The following NPR3 variants were observed in gnomAD, a reference collection of about 807,000 sequenced individuals.
NPR3 encodes the protein natriuretic peptide receptor 3.
Under a neutral mutation model 54.5 loss-of-function variants are expected in NPR3, and 34 were observed. The observed-to-expected ratio is 0.62, with a 90% CI of 0.47 to 0.83. The LOEUF (loss-of-function observed/expected upper bound fraction) is 0.83. Ranked by LOEUF, NPR3 falls within the 40% of genes least tolerant of loss-of-function variation. The probability of loss-of-function intolerance (pLI) is 0.00; values close to 1 mark genes in which losing one functional copy is unlikely to be tolerated. For missense variants in NPR3, 674 were observed against 720.8 expected, an observed-to-expected ratio of 0.94 and a Z score of 0.74; for synonymous variants, 289 against 297.1, an observed-to-expected ratio of 0.97 and a Z score of 0.28.
intron 1 of NPR3, among the ~76,000 whole-genome samples, chr5:32,700,591 C>G (rs1740642958): frequency 6.6e-6 from 1 of 151,926 alleles, no homozygotes; most frequent in Admixed American, 6.6e-5. Context: ...GTTCCTCGCC[C>G]TGTGTCCATG....
At chr5:32,694,794 A>G (rs986997685) in intron 1 of NPR3, among the ~76,000 whole-genome samples, 2 of 152,088 alleles carry the variant, frequency 1.3e-5, no homozygotes, top group African/African-American at 4.8e-5. Context: ...ACTAGATCTT[A>G]TTCATTTTAT....
At chr5:32,750,067 T>A (rs968492490) in intron 3 of NPR3, among the ~76,000 whole-genome samples, 1 of 152,214 alleles carries the variant, frequency 6.6e-6, no homozygotes, top group Admixed American at 6.5e-5. Flanking sequence ...TGGAGTTCCC[T>A]GCCACCCTTC....
At chr5:32,723,951 A>T (rs113288145) in intron 1 of NPR3, among the ~76,000 whole-genome samples, 6 of 152,034 alleles carry the variant, frequency 3.9e-5, no homozygotes, top group African/African-American at 1.4e-4. Flanking sequence ...CAATCAATCA[A>T]TATATGTGTA....
chr5:32,747,780 G>A (rs1740379571), intron 3 of NPR3, among the ~76,000 whole-genome samples: 1 of 149,374 alleles, frequency 6.7e-6, no homozygotes. Flanking sequence ...TTTTGAGATG[G>A]GGTCTCACTC....
At chr5:32,724,986 A>G (rs1739063100) in intron 2 of NPR3, among the ~76,000 whole-genome samples, 166 bp downstream of exon 2, 1 of 152,226 alleles carries the variant, frequency 6.6e-6, no homozygotes, top group Admixed American at 6.5e-5. Context: ...ACATTAATGG[A>G]GCTGGAGGCC....
chr5:32,699,975 T>C (rs1181377016), intron 1 of NPR3, among the ~76,000 whole-genome samples: 1 of 152,240 alleles, frequency 6.6e-6, no homozygotes, highest in Non-Finnish European at 1.5e-5. Context: ...TATACTATTC[T>C]AGTTTAAAAG....
At chr5:32,726,341 A>G (rs925245050) in intron 2 of NPR3, among the ~76,000 whole-genome samples, 7 of 152,348 alleles carry the variant, frequency 4.6e-5, no homozygotes, top group Middle Eastern at 3.4e-3. Context: ...AAACAAAAGT[A>G]GCCACTGCTT....
upstream of NPR3, among the ~76,000 whole-genome samples, chr5:32,706,366 A>T (rs569557586): frequency 6.6e-6 from 1 of 152,310 alleles, no homozygotes; most frequent in East Asian, 1.9e-4. Flanking sequence ...GGCCTAATAC[A>T]CAGGGGGATG....
upstream of NPR3, chr5:32,710,918 ATGTG>A: frequency 2.6e-6 from 1 of 379,214 alleles, no homozygotes; most frequent in Non-Finnish European, 3.8e-6. Context: ...GTGTGTGTGT[ATGTG>A]TGCGTGCGCG....
intron 3 of NPR3, among the ~76,000 whole-genome samples, chr5:32,764,084 C>G (rs953108613): frequency 7.2e-5 from 11 of 152,184 alleles, no homozygotes; most frequent in Middle Eastern, 3.2e-3. Context: ...ACTCCAAACT[C>G]TCTTCCGCAC....
At chr5:32,736,314 G>A (rs138012213) in intron 2 of NPR3, among the ~76,000 whole-genome samples, 1 of 150,928 alleles carries the variant, frequency 6.6e-6, no homozygotes, top group Non-Finnish European at 1.5e-5. Flanking sequence ...CAGATTTATT[G>A]TATTGGATTT....
At chr5:32,703,373 A>AGAC (rs927304144) in intron 1 of NPR3, among the ~76,000 whole-genome samples, 1 of 151,844 alleles carries the variant, frequency 6.6e-6, no homozygotes, top group Admixed American at 6.6e-5. Context: ...TTAAGCTTTG[A>AGAC]GACAAAGCCC....
In NPR3 at chr5:32,755,558, A is replaced by G. The variant is rs148815924; in HGVS notation, c.1059+16528A>G. On this transcript the variant is annotated intron_variant, in intron 3 of 7. Coordinates refer to ENST00000265074, the MANE Select transcript of NPR3 (RefSeq NM_001204375.2). ...TGTTGGGGTTCCCTGGTGGGTCAAAATAGATGAGTAGATATGAGCCTCTTA... is the reference window on the plus strand; with the variant it reads ...TGTTGGGGTTCCCTGGTGGGTCAAAGTAGATGAGTAGATATGAGCCTCTTA... Among the ~76,000 whole-genome samples, 3 of 152,336 alleles carry G rather than the reference A, an allele frequency of 2.0e-5. No individual in the cohort carries two copies. The East Asian group carries it at 5.8e-4, about 29-fold the overall frequency.
intron 1 of NPR3, among the ~76,000 whole-genome samples, chr5:32,714,657 A>G (rs1296389772): frequency 6.6e-6 from 1 of 152,212 alleles, no homozygotes; most frequent in East Asian, 1.9e-4. Context: ...ATAGGAAACA[A>G]AACAGTTTCT....
chr5:32,713,620 G>A (rs975088655), intron 1 of NPR3: 2 of 376,326 alleles, frequency 5.3e-6, no homozygotes, highest in Non-Finnish European at 7.3e-6. Context: ...AGTGCCACGC[G>A]GATGAGACCG....
At chr5:32,756,719 G>C (rs1358682200) in intron 3 of NPR3, among the ~76,000 whole-genome samples, 2 of 152,130 alleles carry the variant, frequency 1.3e-5, no homozygotes. Context: ...TTTTCTTATA[G>C]GGTTTTTATG....
chr5:32,751,839 T>C (rs1740592652), intron 3 of NPR3, among the ~76,000 whole-genome samples: 1 of 152,092 alleles, frequency 6.6e-6, no homozygotes, highest in African/African-American at 2.4e-5. Flanking sequence ...TGTTGGAAAG[T>C]CTAAAATGTT....
chr5:32,790,125 A>C lies in NPR3; in HGVS notation c.*3780A>C, dbSNP rs769903204. The C allele has an allele frequency of 1.6e-5, 3 of 186,940 alleles. No homozygotes were observed. Among genetic ancestry groups the C allele is most frequent in the Admixed American group, 5.5e-5 (1 of 18,176 alleles). The allele number at this position is 186,940 out of a possible 1,614,324, so 11.6% of individuals were successfully genotyped here. On this transcript the variant is annotated 3_prime_UTR_variant, in exon 8 of 8. Coordinates refer to ENST00000265074, the MANE Select transcript of NPR3 (RefSeq NM_001204375.2). ...TGGAAAAAACTGAAACTGTCTAAAA[A>C]CACGGGATATATTTTAGAGGCAATT...
chr5:32,753,594 T>A (rs1740685737), intron 3 of NPR3, among the ~76,000 whole-genome samples: 1 of 150,094 alleles, frequency 6.7e-6, no homozygotes, highest in Non-Finnish European at 1.5e-5. Context: ...CCCCTTCCAA[T>A]GCCTCTGAGC....
Sources: gnomAD v4.1 joint callset for allele counts (sites outside exome capture counted in the v4.1 genomes callset) on GRCh38, gnomAD v4.1.1 for gene constraint, MANE v1.5 for transcripts, NCBI Gene and HGNC (gene_info 2026-07-23, HGNC 2026-07-21) for gene names.